TRIM8: variants seen among roughly 807,000 people sequenced by gnomAD.
The protein encoded by TRIM8 is E3 ubiquitin-protein ligase TRIM8.
Under a neutral mutation model 55.7 loss-of-function variants are expected in TRIM8, and 9 were observed. The ratio of observed to expected loss-of-function variants is 0.16; its 90% CI spans 0.10 to 0.28. The LOEUF (loss-of-function observed/expected upper bound fraction) is 0.28. Ranked by LOEUF, TRIM8 falls within the 10% of genes least tolerant of loss-of-function variation. TRIM8 has a pLI of 1.00. For missense variants in TRIM8, 556 were observed against 736.4 expected (o/e 0.76, Z 2.83); for synonymous variants, 335 against 333.3 (o/e 1.01, Z -0.06).
chr10:102,656,264 C>T lies in TRIM8; in HGVS notation c.933-6C>T. On this transcript the variant is annotated splice_polypyrimidine_tract_variant and splice_region_variant and intron_variant, in intron 4 of 5. Transcript: ENST00000643721. This position sits in a 1 kb window ranked among gnomAD's most constrained non-coding sequence, Gnocchi z 4.6. Reference sequence around the variant, plus strand: ...TCACAGCAGATGCCCCGTCCACTGCCCCCAGGACCCAGACCTGCACGAGCA... The same window carrying T: ...TCACAGCAGATGCCCCGTCCACTGCTCCCAGGACCCAGACCTGCACGAGCA... 6.2e-7 allele frequency: 1 copy of T among 1,614,174 alleles called. No homozygotes were observed.
chr10:102,657,193 T>C lies in TRIM8; in HGVS notation c.1495T>C (p.Ser499Pro). 6.2e-7 allele frequency: 1 copy of C among 1,613,872 alleles called. No individual in the cohort carries two copies. Among genetic ancestry groups the C allele is most frequent in the Non-Finnish European group, 8.5e-7 (1 of 1,179,934 alleles). Residue 499 changes from serine to proline, a missense_variant, in exon 6 of 6, where the codon TCG (serine) becomes CCG (proline). Physicochemically the swap from Ser to Pro is moderately conservative, Grantham distance 74 (BLOSUM62 -1). Transcript: ENST00000643721. The stretch of plus-strand genomic sequence containing the variant: ...CGGCCACTTTCCCTGGACAGTGCCC[T>C]CGCAGGAGTACTCACACCCGCTCCC... ...RSGHFPWTVP[S>P]QEYSHPLPPT...
At chr10:102,645,248 C>G in intron 1 of TRIM8, 61 bp downstream of exon 1, 1 of 1,426,988 alleles carries the variant, frequency 7.0e-7, no homozygotes, top group Non-Finnish European at 9.1e-7. Context: ...CCCTTCCTCT[C>G]TCCCGCCCCG....
At chr10:102,645,909 C>T (rs1018557487) in intron 1 of TRIM8, 2 of 152,254 alleles carry the variant, frequency 1.3e-5, no homozygotes, top group Non-Finnish European at 2.9e-5. Flanking sequence ...CTGGCCCTTT[C>T]GCCTAGCACA....
In TRIM8 at chr10:102,657,814, A is replaced by T; in HGVS notation, c.*460A>T. The T allele has an allele frequency of 6.4e-6, 1 of 157,332 alleles. No individual in the cohort carries two copies. The highest frequency in any genetic ancestry group is 1.4e-5 in the Non-Finnish European group (1 of 71,564). 9.7% of individuals were successfully genotyped at this position (157,332 alleles called of 1,614,324 possible). On this transcript the variant is annotated 3_prime_UTR_variant, in exon 6 of 6. Transcript: ENST00000643721. The stretch of plus-strand genomic sequence containing the variant: ...TTCCTTTTGGGCAGTTTGATCACTG[A>T]TCGAGTAAGGAATGACCTTTAGATT...
At chr10:102,655,822 G>A (rs2064019062) in intron 3 of TRIM8, among the ~76,000 whole-genome samples, 1 of 152,176 alleles carries the variant, frequency 6.6e-6, no homozygotes, top group Non-Finnish European at 1.5e-5. Flanking sequence ...CCAAAGACTT[G>A]AGCTAAAACA....
In TRIM8 at chr10:102,657,426, G is replaced by C; in HGVS notation, c.*72G>C. 1 of 1,496,972 alleles carries C rather than the reference G, an allele frequency of 6.7e-7. No individual in the cohort carries two copies. The highest frequency in any genetic ancestry group is 1.4e-5 in the African/African-American group (1 of 71,370). The allele number at this position is 1,496,972 out of a possible 1,614,324, so 92.7% of individuals were successfully genotyped here. A position where few individuals can be genotyped will look rare whatever the true frequency, so the allele number is the denominator to read the frequency against. ...CGGGCTCGGGAGTTATGCATCCAGA[G>C]ACCTGCCCTTCTACCTTCCTCGCCT... On this transcript the variant is annotated 3_prime_UTR_variant, in exon 6 of 6. Coordinates refer to ENST00000643721, the MANE Select transcript of TRIM8 (RefSeq NM_030912.3).
rs2064026167 is a variant in TRIM8, at chr10:102,656,474, C to G, written c.1048+89C>G. The G allele has an allele frequency of 6.6e-7, 1 of 1,521,052 alleles. No homozygotes were observed. Among genetic ancestry groups the G allele is most frequent in the East Asian group, 2.4e-5 (1 of 40,882 alleles). 94.2% of individuals were successfully genotyped at this position (1,521,052 alleles called of 1,614,324 possible). ...CCTTCCCTCCAAGAGGCAGTGTGGC[C>G]CAGTCTGGGAGACCTGTCCTCATAT... On this transcript the variant is annotated intron_variant, in intron 5 of 5. Coordinates refer to ENST00000643721, the MANE Select transcript of TRIM8 (RefSeq NM_030912.3). The surrounding 1 kb of genome is among the most constrained non-coding windows in gnomAD (Gnocchi z 4.6).
Position 102,656,059 on chromosome 10 carries a change from C to T in TRIM8, c.901-47C>T, listed in dbSNP as rs1471713382. ...TGTCTTCCCCTCTCCCCGGGCTCTC[C>T]CTGGACTGCCTTTTCCACTGACTTG... On this transcript the variant is annotated intron_variant, in intron 3 of 5. Coordinates refer to ENST00000643721, the MANE Select transcript of TRIM8 (RefSeq NM_030912.3). This position sits in a 1 kb window ranked among gnomAD's most constrained non-coding sequence, Gnocchi z 4.6. The T allele has an allele frequency of 1.2e-6, 1 of 819,480 alleles. No individual in the cohort carries two copies. Among genetic ancestry groups the T allele is most frequent in the Admixed American group, 2.6e-5 (1 of 37,784 alleles). The allele number at this position is 819,480 out of a possible 1,614,324, so 50.8% of individuals were successfully genotyped here. A position where few individuals can be genotyped will look rare whatever the true frequency, so the allele number is the denominator to read the frequency against.
At chr10:102,647,358 C>T (rs561273903) in intron 1 of TRIM8, among the ~76,000 whole-genome samples, 3 of 152,212 alleles carry the variant, frequency 2.0e-5, no homozygotes, top group African/African-American at 7.2e-5. Flanking sequence ...CAGCTGTGCC[C>T]TGCAGTGGCA....
chr10:102,647,252 G>A (rs1367395794), intron 1 of TRIM8, among the ~76,000 whole-genome samples: 9 of 152,194 alleles, frequency 5.9e-5, no homozygotes, highest in South Asian at 2.1e-4. Context: ...GTGTGTGTGC[G>A]TGCGCGTGCA....
At chr10:102,646,516 A>T (rs1273845000) in intron 1 of TRIM8, among the ~76,000 whole-genome samples, 1 of 152,188 alleles carries the variant, frequency 6.6e-6, no homozygotes, top group South Asian at 2.1e-4. Context: ...TACAACCAAC[A>T]AAAGGCAGGA....
chr10:102,655,139 G>T lies in TRIM8; in HGVS notation c.726G>T (p.Leu242=). ...TGCAGTACGAGAAGCTGCACCAGCT[G>T]CTGGACGAGGACCTGCGGCAGACAG... is the stretch of plus-strand genomic sequence containing the variant. ...VRLQYEKLHQ[L]LDEDLRQTVE... is the part of the protein sequence containing the mutation. Residue 242 remains leucine (L), a synonymous_variant, in exon 3 of 6, where the codon CTG becomes CTT. Coordinates refer to ENST00000643721, the MANE Select transcript of TRIM8 (RefSeq NM_030912.3). 1.2e-6 allele frequency: 2 copies of T among 1,611,890 alleles called. No individual in the cohort carries two copies. The highest frequency in any genetic ancestry group is 1.7e-6 in the Non-Finnish European group (2 of 1,179,444).
At chr10:102,653,375 G>C (rs1301444566) in intron 1 of TRIM8, 1 of 152,502 alleles carries the variant, frequency 6.6e-6, no homozygotes, top group Non-Finnish European at 1.5e-5. Context: ...TCCATGTGTG[G>C]AGGGCTGGGG....
At chr10:102,655,050 C>T in intron 2 of TRIM8, 30 bp from the exon 3 acceptor site, 1 of 1,608,708 alleles carries the variant, frequency 6.2e-7, no homozygotes, top group South Asian at 1.1e-5. Context: ...TGCTTACCTG[C>T]CTGCCCACTC....
In TRIM8 at chr10:102,657,132, G is replaced by A. The variant is rs1361604164; in HGVS notation, c.1434G>A (p.Val478=). 6.2e-7 allele frequency: 1 copy of A among 1,613,836 alleles called. No homozygotes were observed. Among genetic ancestry groups the A allele is most frequent in the East Asian group, 2.2e-5 (1 of 44,870 alleles). Residue 478 remains valine, a synonymous_variant, in exon 6 of 6, where the codon GTG becomes GTA. Coordinates refer to ENST00000643721, the MANE Select transcript of TRIM8 (RefSeq NM_030912.3). ...CSVDNCYCSS[V]ANHGGHQPYP... ...TGGACAACTGTTACTGTTCTTCCGT[G>A]GCCAACCATGGCGGCCACCAGCCCT...
chr10:102,657,312 G>A lies in TRIM8; in HGVS notation c.1614G>A (p.Arg538=). The change falls in exon 6 of 6, where the codon AGG becomes AGA. Residue 538 remains arginine, a synonymous_variant. Transcript: ENST00000643721. ...SQQPGHQDFY[R]VYGQPSTKHY... ...AGCCCGGCCACCAGGATTTCTACAG[G>A]GTGTATGGGCAGCCGTCCACCAAAC... The A allele has an allele frequency of 1.2e-6, 2 of 1,609,982 alleles. No individual in the cohort carries two copies. The highest frequency in any genetic ancestry group is 1.3e-5 in the African/African-American group (1 of 75,000).
At chr10:102,652,938 C>T (rs865983529) in intron 1 of TRIM8, among the ~76,000 whole-genome samples, 8 of 151,868 alleles carry the variant, frequency 5.3e-5, no homozygotes, top group East Asian at 3.9e-4. Context: ...TGAGTAGTTG[C>T]GATTACAGGC....
At chr10:102,650,057 A>G (rs1357020071) in intron 1 of TRIM8, among the ~76,000 whole-genome samples, 1 of 127,120 alleles carries the variant, frequency 7.9e-6, no homozygotes, top group Non-Finnish European at 1.7e-5. Context: ...TTCTGGAGCT[A>G]GCCATGGTCT....
chr10:102,658,278 C>A lies in TRIM8; in HGVS notation c.*924C>A, dbSNP rs757744005. The A allele has an allele frequency of 1.3e-5, 2 of 152,218 alleles. No individual in the cohort carries two copies. Among genetic ancestry groups the A allele is most frequent in the Non-Finnish European group, 2.9e-5 (2 of 68,076 alleles). 9.4% of individuals were successfully genotyped at this position (152,218 alleles called of 1,614,324 possible). On this transcript the variant is annotated 3_prime_UTR_variant, in exon 6 of 6. Transcript: ENST00000643721. ...ATTCTGTATCTGTCTAGAGCACACA[C>A]CAAAATCCAACCTTCTAATAAACAT...
Sources: gnomAD v4.1 joint callset for allele counts (sites outside exome capture counted in the v4.1 genomes callset) on GRCh38, gnomAD v4.1.1 for gene constraint, Gnocchi (gnomAD v3.1) non-coding constraint, MANE v1.5 for transcripts, NCBI Gene and HGNC (gene_info 2026-07-23, HGNC 2026-07-21) for gene names.